Variants in FOXJ3 observed in about 807,000 individuals in gnomAD.
FOXJ3 encodes the protein forkhead box J3, also known as forkhead box protein J3.
A neutral mutation model predicts 76.1 loss-of-function variants in FOXJ3; 22 were observed. That is an observed-to-expected ratio of 0.29 (90% CI 0.21 to 0.41). The LOEUF is 0.41. FOXJ3 is among the 10% of genes least tolerant of loss of function. FOXJ3 has a pLI of 1.00. For synonymous variants in FOXJ3, 269 were observed against 261.2 expected, an observed-to-expected ratio of 1.03 and a Z score of -0.29; for missense variants, 613 against 762.1, an observed-to-expected ratio of 0.80 and a Z score of 2.30.
At chr1:42,229,979 T>G (rs1647934416) in intron 4 of FOXJ3, among the ~76,000 whole-genome samples, 1 of 152,200 alleles carries the variant, frequency 6.6e-6, no homozygotes, top group African/African-American at 2.4e-5. Context: ...TGACCCTGAT[T>G]TGTTAGTAAA....
chr1:42,268,082 T>C (rs1651604854), intron 3 of FOXJ3, among the ~76,000 whole-genome samples: 1 of 151,862 alleles, frequency 6.6e-6, no homozygotes, highest in South Asian at 2.1e-4. Flanking sequence ...AAAAAAATAA[T>C]GCAAGACATC....
chr1:42,211,967 G>T (rs1049071629), intron 5 of FOXJ3, among the ~76,000 whole-genome samples: 20 of 152,298 alleles, frequency 1.3e-4, no homozygotes, highest in Middle Eastern at 3.4e-3. Flanking sequence ...AAAACAATTA[G>T]AAGTGTCTGG....
chr1:42,208,126 T>C (rs1017973726), intron 5 of FOXJ3, among the ~76,000 whole-genome samples: 4 of 152,236 alleles, frequency 2.6e-5, no homozygotes, highest in Non-Finnish European at 5.9e-5. Flanking sequence ...ATTATGCTAC[T>C]TCCTTTAGAG....
At chr1:42,241,547 A>C (rs1649143330) in intron 4 of FOXJ3, among the ~76,000 whole-genome samples, 1 of 152,182 alleles carries the variant, frequency 6.6e-6, no homozygotes, top group South Asian at 2.1e-4. Context: ...GCATCTGTAC[A>C]TACTTCCTGG....
At chr1:42,229,230 C>A (rs988219690) in intron 4 of FOXJ3, among the ~76,000 whole-genome samples, 3 of 152,216 alleles carry the variant, frequency 2.0e-5, no homozygotes, top group African/African-American at 7.2e-5. Context: ...AAGATCTCTA[C>A]ACTTTTTACA....
At chr1:42,293,531 A>C (rs1175010577) in intron 2 of FOXJ3, among the ~76,000 whole-genome samples, 1 of 152,198 alleles carries the variant, frequency 6.6e-6, no homozygotes, top group Non-Finnish European at 1.5e-5. Context: ...CTCCTTCCTG[A>C]ATTTATTTTA....
In FOXJ3 at chr1:42,191,412, G is replaced by T; in HGVS notation, c.1242C>A (p.His414Gln). ...GTTGATGTGGAGAGGGATGCTGGGG[G>T]TGAGGGGACTGGAGCTGGCTGTGTT... is the stretch of plus-strand genomic sequence containing the variant. Reference protein sequence around the residue: ...PQQHSQLQSPHPQHPSPHQHI... With the variant: ...PQQHSQLQSPQPQHPSPHQHI... The change falls in exon 9 of 13, where the codon CAC becomes CAA. Residue 414 changes from histidine (H) to glutamine (Q), a missense_variant. Around this residue, in one of 3 missense-constraint regions of FOXJ3, gnomAD observed 526 missense variants for 601.4 expected, o/e 0.87. Coordinates refer to ENST00000361346, the MANE Select transcript of FOXJ3 (RefSeq NM_014947.5). 1 of 1,609,668 alleles carries T rather than the reference G, an allele frequency of 6.2e-7. No individual in the cohort carries two copies. The highest frequency in any genetic ancestry group is 8.5e-7 in the Non-Finnish European group (1 of 1,176,174).
intron 7 of FOXJ3, among the ~76,000 whole-genome samples, chr1:42,196,477 G>T (rs1430726102): frequency 6.6e-6 from 1 of 152,202 alleles, no homozygotes; most frequent in Non-Finnish European, 1.5e-5. Context: ...CGGATCACCT[G>T]AAGTCAGAAG....
At chr1:42,231,983 G>A (rs998866348) in intron 4 of FOXJ3, among the ~76,000 whole-genome samples, 5 of 150,956 alleles carry the variant, frequency 3.3e-5, no homozygotes, top group South Asian at 4.2e-4. Flanking sequence ...GGTGTGTGAT[G>A]TTCTCCTTCC....
intron 1 of FOXJ3, chr1:42,315,267 T>C (rs1655039712): frequency 4.1e-6 from 1 of 246,226 alleles, no homozygotes; most frequent in African/African-American, 2.3e-5. Context: ...TGGTAATGGT[T>C]GCACAACTTT....
chr1:42,334,080 A>G, intron 1 of FOXJ3: 1 of 853,576 alleles, frequency 1.2e-6, no homozygotes, highest in Non-Finnish European at 1.4e-6. Context: ...CGGAATAGTA[A>G]AACCTTTGCT....
intron 4 of FOXJ3, among the ~76,000 whole-genome samples, chr1:42,230,090 T>G (rs768951942): frequency 6.6e-6 from 1 of 152,136 alleles, no homozygotes; most frequent in Non-Finnish European, 1.5e-5. Flanking sequence ...GGGAAAAAAT[T>G]TGCCCATAGC....
chr1:42,271,427 TA>T (rs1028278955), intron 3 of FOXJ3, among the ~76,000 whole-genome samples: 39 of 152,124 alleles, frequency 2.6e-4, no homozygotes, highest in Non-Finnish European at 5.7e-4. Flanking sequence ...AACTATCCCC[TA>T]GGGGTAGTTA....
At chr1:42,320,185 T>C (rs1018514354) in intron 1 of FOXJ3, among the ~76,000 whole-genome samples, 3 of 152,128 alleles carry the variant, frequency 2.0e-5, no homozygotes, top group Non-Finnish European at 4.4e-5. Flanking sequence ...ATTTTAGGAC[T>C]AGTGTCAATA....
intron 1 of FOXJ3, among the ~76,000 whole-genome samples, chr1:42,315,697 A>C (rs993270864): frequency 6.6e-6 from 1 of 152,218 alleles, no homozygotes; most frequent in African/African-American, 2.4e-5. Context: ...GAAATCTCAC[A>C]AAAGAAGGCT....
chr1:42,194,012 A>G (rs2124221285), intron 8 of FOXJ3, among the ~76,000 whole-genome samples: 1 of 152,348 alleles, frequency 6.6e-6, no homozygotes, highest in African/African-American at 2.4e-5. Flanking sequence ...AGCCCTCGCC[A>G]GACACCATAT....
chr1:42,301,079 T>G (rs867388370), intron 2 of FOXJ3, among the ~76,000 whole-genome samples: 6 of 152,330 alleles, frequency 3.9e-5, no homozygotes, highest in South Asian at 2.1e-4. Context: ...CTAGGGAAGT[T>G]TTCCCTAATT....
chr1:42,250,139 TAAACAG>T (rs377702550), intron 4 of FOXJ3, among the ~76,000 whole-genome samples: 226 of 152,320 alleles, frequency 1.5e-3, no homozygotes, highest in African/African-American at 5.0e-3. Context: ...ACAGAAAAAG[TAAACAG>T]AGACTAGAGG....
chr1:42,190,891 A>G (rs1406157493), intron 9 of FOXJ3, among the ~76,000 whole-genome samples: 2 of 152,228 alleles, frequency 1.3e-5, no homozygotes, highest in Non-Finnish European at 2.9e-5. Context: ...AACTGGTGTT[A>G]TAAGCTTTGA....
Sources: allele counts gnomAD v4.1 joint callset (sites outside exome capture counted in the v4.1 genomes callset), GRCh38; gene constraint gnomAD v4.1.1; regional missense constraint gnomAD v4.1.1; transcripts MANE v1.5; gene names NCBI Gene and HGNC (gene_info 2026-07-23, HGNC 2026-07-21).